The following ADGRL3 variants were observed in gnomAD, a reference collection of about 807,000 sequenced individuals.
The protein encoded by ADGRL3 is adhesion G protein-coupled receptor L3, also known as calcium-independent alpha-latrotoxin receptor 3.
A neutral mutation model predicts 153.5 loss-of-function variants in ADGRL3; 62 were observed. The observed-to-expected ratio is 0.40, with a 90% CI of 0.33 to 0.50. The LOEUF is 0.50. Among genes scored for constraint, ADGRL3 ranks in the 20% least tolerant of loss-of-function variants. The pLI, the probability that ADGRL3 is intolerant of heterozygous loss-of-function variation, is 0.47. For synonymous variants in ADGRL3, 710 were observed against 672.5 expected, an observed-to-expected ratio of 1.06 and a Z score of -0.86; for missense variants, 1,641 against 1,859.4, an observed-to-expected ratio of 0.88 and a Z score of 2.16.
chr4:61,416,653 G>A (rs2097148027), intron 2 of ADGRL3, among the ~76,000 whole-genome samples: 1 of 152,034 alleles, frequency 6.6e-6, no homozygotes, highest in South Asian at 2.1e-4. Flanking sequence ...TTGTTGAGGA[G>A]GGTAAATTTT....
Position 61,906,289 on chromosome 4 carries a change from A to G in ADGRL3, c.1888-3271A>G, listed in dbSNP as rs1298712219. On this transcript the variant is annotated intron_variant, in intron 11 of 26. Coordinates refer to ENST00000683033, the MANE Select transcript of ADGRL3 (RefSeq NM_001387552.1). ...TTATTGATCTCCTTCATAATTTTAC[A>G]CTTGGATAATATTTCATGGTATGGG... is the stretch of plus-strand genomic sequence containing the variant. The G allele has an allele frequency of 2.6e-5, 4 of 152,138 alleles. No individual in the cohort carries two copies. The East Asian group carries it at 7.7e-4, about 29-fold the overall frequency. 9.4% of individuals were successfully genotyped at this position (152,138 alleles called of 1,614,324 possible).
At chr4:61,324,098 G>A (rs191767613) in intron 1 of ADGRL3, among the ~76,000 whole-genome samples, 80 of 152,192 alleles carry the variant, frequency 5.3e-4, no homozygotes, top group Non-Finnish European at 8.5e-4. Context: ...ATCAGATCTC[G>A]TGAGACCCAT....
intron 4 of ADGRL3, among the ~76,000 whole-genome samples, chr4:61,566,892 A>G (rs182654229): frequency 3.3e-4 from 50 of 152,268 alleles, no homozygotes; most frequent in African/African-American, 1.1e-3. Flanking sequence ...ATAACATCCT[A>G]ACTTATATAA....
intron 8 of ADGRL3, among the ~76,000 whole-genome samples, chr4:61,786,546 G>T (rs1314795704): frequency 6.6e-6 from 1 of 152,130 alleles, no homozygotes; most frequent in African/African-American, 2.4e-5. Context: ...AAGGTATTTG[G>T]CAAGGCACCC....
chr4:61,717,215 TGTGTGC>T (rs760800178), intron 6 of ADGRL3, among the ~76,000 whole-genome samples: 9,369 of 60,500 alleles, frequency 0.15, 349 homozygotes, highest in East Asian at 0.27. Flanking sequence ...TGTGTGTGTG[TGTGTGC>T]GTGTGTGTGT....
At chr4:61,825,818 AT>A (rs1381446652) in intron 9 of ADGRL3, among the ~76,000 whole-genome samples, 2 of 152,180 alleles carry the variant, frequency 1.3e-5, no homozygotes, top group Non-Finnish European at 2.9e-5. Context: ...TTATTCCTTA[AT>A]ATCAGAAAAT....
chr4:61,313,143 CCA>C (rs2095075899), intron 1 of ADGRL3, among the ~76,000 whole-genome samples: 1 of 152,036 alleles, frequency 6.6e-6, no homozygotes, highest in Non-Finnish European at 1.5e-5. Flanking sequence ...GTGAAAAACC[CCA>C]GTCTGATTCC....
chr4:61,308,969 A>T (rs542567528), intron 1 of ADGRL3, among the ~76,000 whole-genome samples: 1 of 152,306 alleles, frequency 6.6e-6, no homozygotes, highest in Admixed American at 6.5e-5. Context: ...CTTTCTTTAC[A>T]ATAAGGTAAT....
chr4:61,437,332 A>G (rs890318684), intron 2 of ADGRL3, among the ~76,000 whole-genome samples: 6 of 152,180 alleles, frequency 3.9e-5, no homozygotes, highest in African/African-American at 1.4e-4. Flanking sequence ...TTCTAAAAAT[A>G]TTCTTTGCAT....
At chr4:61,839,310 C>A (rs1017271215) in intron 9 of ADGRL3, among the ~76,000 whole-genome samples, 3 of 152,104 alleles carry the variant, frequency 2.0e-5, no homozygotes, top group Admixed American at 2.0e-4. Context: ...CTCACCTCAG[C>A]CTCCTGAGTA....
chr4:61,418,996 C>T (rs2097173783), intron 2 of ADGRL3, among the ~76,000 whole-genome samples: 1 of 150,254 alleles, frequency 6.7e-6, no homozygotes, highest in Non-Finnish European at 1.5e-5. Context: ...GAAAGCTTTA[C>T]TATGGTTTCA....
At chr4:61,313,773 G>A (rs1205499145) in intron 1 of ADGRL3, among the ~76,000 whole-genome samples, 2 of 152,078 alleles carry the variant, frequency 1.3e-5, no homozygotes, top group Admixed American at 6.6e-5. Flanking sequence ...AAAGAAGTAC[G>A]GTGGTTTTTT....
chr4:61,389,163 G>A (rs1257635822), intron 2 of ADGRL3, among the ~76,000 whole-genome samples: 1 of 152,092 alleles, frequency 6.6e-6, no homozygotes, highest in Admixed American at 6.5e-5. Flanking sequence ...GGATTACCCA[G>A]GAAATATTTG....
chr4:61,749,796 A>G (rs2096728324), intron 8 of ADGRL3, among the ~76,000 whole-genome samples: 1 of 152,102 alleles, frequency 6.6e-6, no homozygotes, highest in African/African-American at 2.4e-5. Context: ...CCAGCATGGC[A>G]CATGTATACA....
chr4:61,505,676 C>A (rs1431517601), intron 3 of ADGRL3, among the ~76,000 whole-genome samples: 3 of 151,822 alleles, frequency 2.0e-5, no homozygotes, highest in Non-Finnish European at 4.4e-5. Context: ...CATTTTACTT[C>A]TGTAGATTGT....
rs562358345 is a variant in ADGRL3 at position 61,602,840 on chromosome 4, A to G, written c.473+15400A>G. ...GTATAATACTGTATAATAGATTACAACTATGAGCAGGGATATTATTAGTTT... is the reference window on the plus strand; with the variant it reads ...GTATAATACTGTATAATAGATTACAGCTATGAGCAGGGATATTATTAGTTT... On this transcript the variant is annotated intron_variant, in intron 5 of 26. Coordinates refer to ENST00000683033, the MANE Select transcript of ADGRL3 (RefSeq NM_001387552.1). Among the ~76,000 whole-genome samples, 126 of 152,316 alleles carry G rather than the reference A, an allele frequency of 8.3e-4. 1 individual carries two copies. The highest frequency in any genetic ancestry group is 2.5e-4 in the Non-Finnish European group (17 of 68,022).
chr4:61,244,512 A>C (rs1194776677), intron 1 of ADGRL3, among the ~76,000 whole-genome samples: 1 of 152,060 alleles, frequency 6.6e-6, no homozygotes, highest in Non-Finnish European at 1.5e-5. Context: ...ACATGAATTT[A>C]TATCTATAAT....
chr4:61,958,644 A>T (rs2150445566), intron 17 of ADGRL3, among the ~76,000 whole-genome samples: 1 of 152,162 alleles, frequency 6.6e-6, no homozygotes, highest in Non-Finnish European at 1.5e-5. Context: ...GAGAGCAGGG[A>T]AAACTGCCAC....
rs145146906 is a variant in ADGRL3 at position 61,654,427 on chromosome 4, A to G, written c.474-22399A>G. On this transcript the variant is annotated intron_variant, in intron 5 of 26. Coordinates refer to ENST00000683033, the MANE Select transcript of ADGRL3 (RefSeq NM_001387552.1). The stretch of plus-strand genomic sequence containing the variant: ...ATGGGGTAATTTTAAGCATTTCCAG[A>G]TGAATATATAAAATTGTTAATATGC... Among the ~76,000 whole-genome samples, 86 of 152,174 alleles carry G rather than the reference A, an allele frequency of 5.7e-4. No individual in the cohort carries two copies. In the East Asian group the frequency reaches 0.014, roughly 25 times the overall value.
Sources: gnomAD v4.1 joint callset for allele counts (sites outside exome capture counted in the v4.1 genomes callset) on GRCh38, gnomAD v4.1.1 for gene constraint, MANE v1.5 for transcripts, NCBI Gene and HGNC (gene_info 2026-07-23, HGNC 2026-07-21) for gene names.